Variants in MCUB observed in about 807,000 individuals in gnomAD.
MCUB encodes mitochondrial calcium uniporter dominant negative subunit beta, also known as calcium uniporter regulatory subunit MCUb, mitochondrial.
MCUB carries 46 observed loss-of-function variants against 41.4 expected under a neutral mutation model. The ratio of observed to expected loss-of-function variants is 1.11; its 90% confidence interval spans 0.88 to 1.42. The LOEUF (loss-of-function observed/expected upper bound fraction) is 1.42, where lower values mean the gene tolerates loss of function less well. MCUB is among the 40% of genes most tolerant of loss of function. The probability of loss-of-function intolerance (pLI) is 0.00; values close to 1 mark genes in which losing one functional copy is unlikely to be tolerated. For synonymous variants in MCUB, 148 were observed against 148.2 expected (o/e 1.00, Z 0.01); for missense variants, 403 against 404.9 (o/e 1.00, Z 0.04).
chr4:109,617,482 G>A (rs1013688399), intron 1 of MCUB, among the ~76,000 whole-genome samples: 7 of 152,266 alleles, frequency 4.6e-5, no homozygotes, highest in Admixed American at 2.6e-4. Flanking sequence ...ATGTAAAGGT[G>A]GCTTAGAAGT....
chr4:109,679,787 TTTGTTGTTGTTG>T (rs377253519), intron 4 of MCUB, among the ~76,000 whole-genome samples: 3 of 151,674 alleles, frequency 2.0e-5, no homozygotes, highest in Non-Finnish European at 2.9e-5. Flanking sequence ...GAGGTATAAT[TTTGTTGTTGTTG>T]TTGTTGTTGT....
intron 1 of MCUB, among the ~76,000 whole-genome samples, chr4:109,598,398 G>C (rs998698834): frequency 7.9e-5 from 12 of 152,174 alleles, no homozygotes; most frequent in Non-Finnish European, 1.6e-4. Flanking sequence ...CTGAAGACCG[G>C]CCAGGCCAAC....
intron 4 of MCUB, among the ~76,000 whole-genome samples, chr4:109,672,303 CA>C (rs1729474984): frequency 6.6e-6 from 1 of 152,058 alleles, no homozygotes; most frequent in African/African-American, 2.4e-5. Flanking sequence ...CCCTCCTGCC[CA>C]AAGCAGGGAG....
At chr4:109,566,313 C>CA (rs932238028) in intron 1 of MCUB, among the ~76,000 whole-genome samples, 4 of 150,728 alleles carry the variant, frequency 2.7e-5, no homozygotes, top group African/African-American at 9.7e-5. Context: ...ACTAAAAATA[C>CA]AAAAAAATAA....
chr4:109,584,018 G>T (rs1727245927), intron 1 of MCUB, among the ~76,000 whole-genome samples: 1 of 152,170 alleles, frequency 6.6e-6, no homozygotes. Context: ...AGTTTCAGAA[G>T]GAATGGTACC....
At chr4:109,620,449 A>C (rs1213017212) in intron 1 of MCUB, among the ~76,000 whole-genome samples, 1 of 150,318 alleles carries the variant, frequency 6.7e-6, no homozygotes, top group Admixed American at 6.7e-5. Flanking sequence ...CTTGACCCTA[A>C]AATGTATTGT....
rs7666846 is a variant in MCUB at position 109,627,540 on chromosome 4, G to A, written c.100-31471G>A. On this transcript the variant is annotated intron_variant, in intron 1 of 7. Coordinates refer to ENST00000394650, the MANE Select transcript of MCUB (RefSeq NM_017918.5). ...TATACAGTCATTCCTCCATTCAGCA[G>A]ATATTTTCATGAGTGCTTGCCATGT... Among the ~76,000 whole-genome samples, 851 of 152,290 alleles carry A rather than the reference G, an allele frequency of 5.6e-3. 6 individuals are homozygous for A. Among genetic ancestry groups the A allele is most frequent in the African/African-American group, 0.019 (802 of 41,540 alleles).
At chr4:109,660,412 C>CTCCTGAACT (rs766853831) in intron 3 of MCUB, 47 bp downstream of exon 3, 2 of 1,083,262 alleles carry the variant, frequency 1.8e-6, no homozygotes, top group Non-Finnish European at 1.3e-6. Context: ...GTTTCTGTCT[C>CTCCTGAACT]TCCTGAACTT....
intron 1 of MCUB, among the ~76,000 whole-genome samples, chr4:109,650,861 A>G (rs566633586): frequency 6.6e-6 from 1 of 152,300 alleles, no homozygotes; most frequent in African/African-American, 2.4e-5. Context: ...TCTTTTAAAG[A>G]TTACAATTAT....
intron 1 of MCUB, among the ~76,000 whole-genome samples, chr4:109,566,522 TA>T (rs1726783499): frequency 6.6e-6 from 1 of 151,712 alleles, no homozygotes; most frequent in African/African-American, 2.4e-5. Context: ...TTACAACCAC[TA>T]AGTAAAACTA....
intron 1 of MCUB, among the ~76,000 whole-genome samples, chr4:109,565,346 C>T (rs572968562): frequency 6.6e-6 from 1 of 152,318 alleles, no homozygotes; most frequent in Non-Finnish European, 1.5e-5. Context: ...ACTGCATCTG[C>T]TCTGGAGAAA....
At chr4:109,579,553 C>G (rs961065263) in intron 1 of MCUB, among the ~76,000 whole-genome samples, 1 of 152,160 alleles carries the variant, frequency 6.6e-6, no homozygotes, top group African/African-American at 2.4e-5. Context: ...CACCACATAG[C>G]ATTAGGCAGG....
chr4:109,597,939 C>T (rs1171381809), intron 1 of MCUB, among the ~76,000 whole-genome samples: 25 of 148,194 alleles, frequency 1.7e-4, no homozygotes, highest in African/African-American at 6.0e-4. Flanking sequence ...GGCAGAGGCG[C>T]TCCTCACATC....
At chr4:109,617,649 G>T (rs1728160212) in intron 1 of MCUB, among the ~76,000 whole-genome samples, 1 of 152,082 alleles carries the variant, frequency 6.6e-6, no homozygotes, top group Non-Finnish European at 1.5e-5. Context: ...GAAAGCAATT[G>T]TAATGAATGC....
intron 7 of MCUB, 144 bp from the exon 8 acceptor site, chr4:109,687,371 T>C (rs529809435): frequency 1.5e-4 from 88 of 579,360 alleles, no homozygotes; most frequent in African/African-American, 1.4e-3. Flanking sequence ...GAAAAATATA[T>C]ATATATTTCA....
intron 4 of MCUB, among the ~76,000 whole-genome samples, chr4:109,676,249 C>G (rs563594453): frequency 6.6e-6 from 1 of 152,066 alleles, no homozygotes; most frequent in Non-Finnish European, 1.5e-5. Flanking sequence ...GTAGAAATAT[C>G]GATGGTAGGC....
At position 109,682,653 on chromosome 4, in the gene MCUB, T is replaced by G; in HGVS notation, c.523T>G (p.Leu175Val). 1 of 1,612,852 alleles carries G rather than the reference T, an allele frequency of 6.2e-7. No homozygotes were observed. Among genetic ancestry groups the G allele is most frequent in the Non-Finnish European group, 8.5e-7 (1 of 1,178,842 alleles). Residue 175 changes from leucine (L) to valine (V), a missense_variant, in exon 5 of 8, where the codon TTG (leucine) becomes GTG (valine). Transcript: ENST00000394650. ...KSLVHRLFTI[L>V]HLEESQKKRE... ...TTTGGTTCACAGACTATTTACAATC[T>G]TGCATTTAGAAGAGTCTCAGAAAAA...
chr4:109,685,505 T>A (rs1729820219), intron 7 of MCUB, 138 bp downstream of exon 7: 2 of 485,428 alleles, frequency 4.1e-6, no homozygotes, highest in African/African-American at 3.9e-5. Context: ...TTCATTGAAA[T>A]GGTTGACATA....
At chr4:109,686,399 A>G (rs546126186) in intron 7 of MCUB, among the ~76,000 whole-genome samples, 1 of 152,190 alleles carries the variant, frequency 6.6e-6, no homozygotes, top group Non-Finnish European at 1.5e-5. Flanking sequence ...TTGGCCTCCC[A>G]AAGTGTTAGG....
Sources: gnomAD v4.1 joint callset for allele counts (sites outside exome capture counted in the v4.1 genomes callset) on GRCh38, gnomAD v4.1.1 for gene constraint, MANE v1.5 for transcripts, NCBI Gene and HGNC (gene_info 2026-07-23, HGNC 2026-07-21) for gene names.